The following LHFPL3 variants were observed in gnomAD, a reference collection of about 807,000 sequenced individuals.
LHFPL3 encodes LHFPL tetraspan subfamily member 3 protein.
In LHFPL3, 5 loss-of-function variants were observed where a neutral mutation model predicts 19.3. The ratio of observed to expected loss-of-function variants is 0.26; its 90% CI spans 0.14 to 0.54. The LOEUF (loss-of-function observed/expected upper bound fraction) is 0.54. LHFPL3 is among the 20% of genes least tolerant of loss of function. LHFPL3 has a pLI of 0.94. For missense variants in LHFPL3, 249 were observed against 307.4 expected (o/e 0.81, Z 1.42); for synonymous variants, 133 against 126.2 (o/e 1.05, Z -0.36).
chr7:104,849,470 C>G (rs910360331), intron 2 of LHFPL3, among the ~76,000 whole-genome samples: 6 of 152,218 alleles, frequency 3.9e-5, no homozygotes, highest in African/African-American at 1.4e-4. Context: ...TGGCCCTGCA[C>G]TGTGTGGGGG....
At chr7:104,400,335 T>G (rs1791291347) in intron 1 of LHFPL3, among the ~76,000 whole-genome samples, 1 of 151,990 alleles carries the variant, frequency 6.6e-6, no homozygotes, top group African/African-American at 2.4e-5. Flanking sequence ...TGGCATAAAT[T>G]ATACTGCAAC....
At chr7:104,730,118 C>T (rs1793671534) in intron 1 of LHFPL3, among the ~76,000 whole-genome samples, 1 of 152,150 alleles carries the variant, frequency 6.6e-6, no homozygotes, top group Non-Finnish European at 1.5e-5. Flanking sequence ...TGTATGTGTG[C>T]CACATTTTCT....
intron 2 of LHFPL3, among the ~76,000 whole-genome samples, chr7:104,875,611 G>C (rs1241946617): frequency 6.6e-6 from 1 of 152,184 alleles, no homozygotes; most frequent in Non-Finnish European, 1.5e-5. Flanking sequence ...GGCAGTGGAA[G>C]TTTTAGTTGC....
In LHFPL3 at chr7:104,562,920, G is replaced by C. The variant is rs1412538379; in HGVS notation, c.446-173755G>C. On this transcript the variant is annotated intron_variant, in intron 1 of 2. Coordinates refer to ENST00000424859, the MANE Select transcript of LHFPL3 (RefSeq NM_199000.3). ...CTAACAGAGAGGACCCTCAGCTGCA[G>C]GTCTGTTGGAGTACCCTGCCGTGTG... Among the ~76,000 whole-genome samples the C allele has an allele frequency of 7.9e-5, 12 of 152,190 alleles. No individual in the cohort carries two copies. In the East Asian group the frequency reaches 2.1e-3, roughly 27 times the overall value.
chr7:104,550,957 C>T (rs1794651812), intron 1 of LHFPL3, among the ~76,000 whole-genome samples: 1 of 152,038 alleles, frequency 6.6e-6, no homozygotes, highest in African/African-American at 2.4e-5. Flanking sequence ...TGAAAGCCTC[C>T]CAAAATTTTC....
intron 1 of LHFPL3, among the ~76,000 whole-genome samples, chr7:104,674,764 A>G (rs1344834650): frequency 6.6e-6 from 1 of 152,260 alleles, no homozygotes; most frequent in Non-Finnish European, 1.5e-5. Flanking sequence ...TCTATACTTC[A>G]GGGAACATCA....
chr7:104,418,807 A>G (rs1791674247), intron 1 of LHFPL3, among the ~76,000 whole-genome samples: 1 of 152,214 alleles, frequency 6.6e-6, no homozygotes, highest in African/African-American at 2.4e-5. Flanking sequence ...ATGGCATGAA[A>G]AAGATACAGA....
chr7:104,506,077 C>CA (rs1793692990), intron 1 of LHFPL3, among the ~76,000 whole-genome samples: 1 of 150,914 alleles, frequency 6.6e-6, no homozygotes, highest in African/African-American at 2.4e-5. Flanking sequence ...AGTGCAGTGA[C>CA]ACGATTTTGG....
chr7:104,892,708 C>CAAAAAAAAAAA (rs35855839), intron 2 of LHFPL3, among the ~76,000 whole-genome samples: 1 of 68,476 alleles, frequency 1.5e-5, no homozygotes. Flanking sequence ...GAGACTGTCT[C>CAAAAAAAAAAA]AAAAAAAAAA....
At chr7:104,726,983 C>T (rs564603703) in intron 1 of LHFPL3, among the ~76,000 whole-genome samples, 17 of 152,278 alleles carry the variant, frequency 1.1e-4, no homozygotes, top group East Asian at 3.9e-4. Flanking sequence ...TCCACAGCCT[C>T]GCCAGCATCT....
rs566884103 is a variant in LHFPL3 at position 104,772,201 on chromosome 7, C to A, written c.682+35290C>A. Among the ~76,000 whole-genome samples the A allele has an allele frequency of 4.6e-5, 7 of 152,150 alleles. 1 individual carries two copies. The highest frequency in any genetic ancestry group is 1.4e-4 in the African/African-American group (6 of 41,478). ...ATAACTGCTTATATTCATGGTATTT[C>A]CACATCTTTTATTATTCTTATTCTC... On this transcript the variant is annotated intron_variant, in intron 2 of 2. Transcript: ENST00000424859.
intron 2 of LHFPL3, among the ~76,000 whole-genome samples, chr7:104,859,732 G>T (rs1450996132): frequency 6.6e-6 from 1 of 152,110 alleles, no homozygotes; most frequent in Non-Finnish European, 1.5e-5. Flanking sequence ...AGGATTTTTA[G>T]AACAATGAAA....
chr7:104,605,640 C>T (rs775465858), intron 1 of LHFPL3, among the ~76,000 whole-genome samples: 5 of 152,174 alleles, frequency 3.3e-5, no homozygotes, highest in Non-Finnish European at 5.9e-5. Flanking sequence ...AAGTTATAAA[C>T]TCACAGACAT....
At chr7:104,728,151 G>A (rs1793624604) in intron 1 of LHFPL3, among the ~76,000 whole-genome samples, 1 of 152,102 alleles carries the variant, frequency 6.6e-6, no homozygotes, top group Non-Finnish European at 1.5e-5. Flanking sequence ...CTAAAGCAGA[G>A]TTCTCCCAGG....
chr7:104,665,439 T>A (rs1295639873), intron 1 of LHFPL3, among the ~76,000 whole-genome samples: 1 of 152,196 alleles, frequency 6.6e-6, no homozygotes, highest in Non-Finnish European at 1.5e-5. Context: ...ATTAAAAAAA[T>A]GTAACCATAT....
At chr7:104,758,607 T>C (rs1174090548) in intron 2 of LHFPL3, among the ~76,000 whole-genome samples, 2 of 152,112 alleles carry the variant, frequency 1.3e-5, no homozygotes, top group African/African-American at 4.8e-5. Flanking sequence ...CAAAAATATA[T>C]AAATAAATAA....
chr7:104,638,320 A>G (rs1033837450), intron 1 of LHFPL3, among the ~76,000 whole-genome samples: 1 of 152,164 alleles, frequency 6.6e-6, no homozygotes, highest in Non-Finnish European at 1.5e-5. Flanking sequence ...ATATGGAATC[A>G]TGCCTTGTGC....
intron 1 of LHFPL3, among the ~76,000 whole-genome samples, chr7:104,577,555 A>G (rs1790362943): frequency 6.6e-6 from 1 of 152,098 alleles, no homozygotes; most frequent in East Asian, 1.9e-4. Flanking sequence ...TGTGTATGCA[A>G]GTGTGAGTGT....
intron 2 of LHFPL3, among the ~76,000 whole-genome samples, chr7:104,848,252 T>C (rs1346137583): frequency 6.6e-6 from 1 of 152,170 alleles, no homozygotes; most frequent in African/African-American, 2.4e-5. Context: ...ACCATGTCAT[T>C]TGAGGGAAGC....
Sources: allele counts gnomAD v4.1 joint callset (sites outside exome capture counted in the v4.1 genomes callset), GRCh38; gene constraint gnomAD v4.1.1; transcripts MANE v1.5; gene names NCBI Gene and HGNC (gene_info 2026-07-23, HGNC 2026-07-21).